The following SRGAP2B variants were observed in gnomAD, a reference collection of about 807,000 sequenced individuals.
SRGAP2B encodes the protein SLIT-ROBO Rho GTPase activating protein 2B.
In SRGAP2B, 9 loss-of-function variants were observed where a neutral mutation model predicts 22.2. The observed-to-expected ratio is 0.41, with a 90% CI of 0.24 to 0.71. SRGAP2B has a LOEUF of 0.71. SRGAP2B is among the 30% of genes least tolerant of loss of function. SRGAP2B has a pLI of 0.35. For missense variants in SRGAP2B, 114 were observed against 235.8 expected, an observed-to-expected ratio of 0.48 and a Z score of 3.38; for synonymous variants, 36 against 87.4, an observed-to-expected ratio of 0.41 and a Z score of 3.28.
At chr1:145,000,014 A>C (rs1431707328) in intron 2 of SRGAP2B, among the ~76,000 whole-genome samples, 1 of 149,812 alleles carries the variant, frequency 6.7e-6, no homozygotes, top group East Asian at 1.9e-4. Context: ...TCTGTTGAGC[A>C]CCATCTGCCA....
intron 2 of SRGAP2B, among the ~76,000 whole-genome samples, chr1:145,089,459 A>C (rs1311132689): frequency 2.7e-5 from 4 of 146,764 alleles, no homozygotes; most frequent in Non-Finnish European, 6.0e-5. Context: ...AGGGAGGCAA[A>C]AATCAAGGGA....
At chr1:145,011,578 C>T (rs1176688317) in intron 2 of SRGAP2B, among the ~76,000 whole-genome samples, 1 of 149,722 alleles carries the variant, frequency 6.7e-6, no homozygotes. Flanking sequence ...GTAACGGTAC[C>T]ACCATTCACC....
In SRGAP2B at chr1:145,081,399, AT is replaced by A. The variant is rs1652919247; in HGVS notation, c.67+11435del. ...CAGGGATTTTATAGGGAAACTAGGGATTTTGAGACCTTAGGTGAGTTATCTC... is the reference window on the plus strand; with the variant it reads ...CAGGGATTTTATAGGGAAACTAGGGATTTGAGACCTTAGGTGAGTTATCTC... On this transcript the variant is annotated intron_variant, in intron 2 of 9. Coordinates refer to ENST00000612199, the Ensembl canonical transcript of SRGAP2B. Among the ~76,000 whole-genome samples, 3 of 150,694 alleles carry A rather than the reference AT, an allele frequency of 2.0e-5. 1 individual carries two copies. The highest frequency in any genetic ancestry group is 4.4e-5 in the Non-Finnish European group (3 of 67,786).
intron 3 of SRGAP2B, among the ~76,000 whole-genome samples, chr1:144,972,725 C>T (rs1282111503): frequency 6.7e-6 from 1 of 149,200 alleles, no homozygotes; most frequent in Non-Finnish European, 1.5e-5. Context: ...GGGATTCAAC[C>T]CATTAGTGAG....
chr1:144,966,045 G>C (rs587595570), intron 3 of SRGAP2B, among the ~76,000 whole-genome samples: 1 of 150,476 alleles, frequency 6.6e-6, no homozygotes, highest in Admixed American at 6.6e-5. Flanking sequence ...GCGGAGAATG[G>C]AACCAAGTTG....
chr1:144,939,884 G>A (rs1665894933), intron 4 of SRGAP2B, among the ~76,000 whole-genome samples: 1 of 150,056 alleles, frequency 6.7e-6, no homozygotes, highest in African/African-American at 2.5e-5. Flanking sequence ...GGGATGCAAT[G>A]CTTATGTGGT....
At chr1:144,955,331 G>C (rs587678865) in intron 4 of SRGAP2B, 108 bp downstream of exon 4, 4 of 563,640 alleles carry the variant, frequency 7.1e-6, no homozygotes, top group Non-Finnish European at 3.2e-6. Flanking sequence ...TGGGGGTCTG[G>C]TGTACAGATA....
At chr1:144,934,222 T>C (rs1179658058) in intron 4 of SRGAP2B, among the ~76,000 whole-genome samples, 2 of 150,320 alleles carry the variant, frequency 1.3e-5, no homozygotes, top group African/African-American at 5.0e-5. Flanking sequence ...CTGGCCAACA[T>C]AGTGAAACCC....
intron 2 of SRGAP2B, among the ~76,000 whole-genome samples, chr1:145,081,673 AAC>A (rs1170402009): frequency 6.7e-6 from 1 of 149,310 alleles, no homozygotes; most frequent in Non-Finnish European, 1.5e-5. Context: ...CAAAATAATA[AAC>A]ACACACACAC....
chr1:144,956,950 T>G, intron 3 of SRGAP2B, among the ~76,000 whole-genome samples: 1 of 150,358 alleles, frequency 6.7e-6, no homozygotes, highest in East Asian at 2.0e-4. Context: ...TTGTTTGACT[T>G]AAACCCCACA....
At chr1:145,016,839 C>G (rs12133954) in intron 2 of SRGAP2B, among the ~76,000 whole-genome samples, 35 of 143,532 alleles carry the variant, frequency 2.4e-4, no homozygotes, top group African/African-American at 5.2e-4. Flanking sequence ...GAAAAGCACT[C>G]AAGTTTTTTT....
chr1:144,931,651 C>T (rs112770087), intron 4 of SRGAP2B, among the ~76,000 whole-genome samples: 4,841 of 150,720 alleles, frequency 0.032, 174 homozygotes, highest in Non-Finnish European at 0.048. Context: ...GCTTTAAATC[C>T]CATTTGCTAC....
At position 145,030,670 on chromosome 1, in the gene SRGAP2B, G is replaced by A. The variant is rs1489804192; in HGVS notation, c.68-35470C>T. 9.5e-5 allele frequency among the ~76,000 whole-genome samples: 7 copies of A among 73,754 alleles called. 1 individual carries two copies. The highest frequency in any genetic ancestry group is 5.9e-4 in the African/African-American group (7 of 11,956). The allele number at this position is 73,754 out of a possible 152,430, so 48.4% of individuals were successfully genotyped here. On this transcript the variant is annotated intron_variant, in intron 2 of 9. Transcript: ENST00000612199. ...TACATATGTAACAAACCTGCACATT[G>A]TGCATATGTACTCTAGAACTTAAAG...
intron 4 of SRGAP2B, among the ~76,000 whole-genome samples, chr1:144,944,159 A>G (rs587703063): frequency 6.6e-6 from 1 of 150,802 alleles, no homozygotes; most frequent in East Asian, 1.9e-4. Context: ...CTTCAGAGGA[A>G]GATAAGTACA....
chr1:144,958,094 T>C (rs1173160361), intron 3 of SRGAP2B, among the ~76,000 whole-genome samples: 2 of 150,500 alleles, frequency 1.3e-5, no homozygotes, highest in Non-Finnish European at 2.9e-5. Context: ...TGCTGCAATA[T>C]AGTAAGGGAG....
intron 2 of SRGAP2B, among the ~76,000 whole-genome samples, chr1:145,044,920 G>C (rs587728693): frequency 4.0e-4 from 60 of 150,372 alleles, no homozygotes; most frequent in African/African-American, 1.4e-3. Flanking sequence ...AGATTTACTA[G>C]GTGGTAGATC....
intron 4 of SRGAP2B, among the ~76,000 whole-genome samples, chr1:144,920,361 G>C (rs2101770563): frequency 6.6e-6 from 1 of 150,518 alleles, no homozygotes; most frequent in East Asian, 1.9e-4. Context: ...GAACTCTTGG[G>C]CTCAACTGTC....
At chr1:144,993,897 C>A (rs1376974235) in intron 3 of SRGAP2B, among the ~76,000 whole-genome samples, 2 of 150,494 alleles carry the variant, frequency 1.3e-5, no homozygotes, top group Non-Finnish European at 2.9e-5. Flanking sequence ...CTGTGGGCTG[C>A]ATGGGGGCCA....
chr1:145,040,511 C>T (rs1649101063), intron 2 of SRGAP2B, among the ~76,000 whole-genome samples: 2 of 150,708 alleles, frequency 1.3e-5, no homozygotes, highest in Non-Finnish European at 1.5e-5. Flanking sequence ...GGCTTCTGGG[C>T]CATATGTTCT....
Sources: gnomAD v4.1 joint callset for allele counts (sites outside exome capture counted in the v4.1 genomes callset) on GRCh38, gnomAD v4.1.1 for gene constraint, MANE v1.5 for transcripts, NCBI Gene and HGNC (gene_info 2026-07-23, HGNC 2026-07-21) for gene names.